Variants in PLEKHN1 observed in about 807,000 individuals in gnomAD.
PLEKHN1 encodes pleckstrin homology domain-containing family N member 1.
PLEKHN1 carries 68 observed loss-of-function variants against 72.8 expected under a neutral mutation model. That is an observed-to-expected ratio of 0.93 (90% CI 0.77 to 1.14). The LOEUF (loss-of-function observed/expected upper bound fraction) is 1.14. Among genes scored for constraint, PLEKHN1 ranks in the 50% most tolerant of loss-of-function variants. The probability of loss-of-function intolerance (pLI) is 0.00; values close to 1 mark genes in which losing one functional copy is unlikely to be tolerated. For synonymous variants in PLEKHN1, 454 were observed against 371.6 expected (o/e 1.22, Z -2.55); for missense variants, 1,015 against 840.5 (o/e 1.21, Z -2.57).
At position 970,560 on chromosome 1, in the gene PLEKHN1, C is replaced by G. The variant is rs199698680; in HGVS notation, c.370C>G (p.Leu124Val). The G allele has an allele frequency of 1.6e-4, 253 of 1,613,076 alleles. No homozygotes were observed. Among genetic ancestry groups the G allele is most frequent in the Non-Finnish European group, 2.0e-4 (237 of 1,179,966 alleles). Residue 124 changes from leucine to valine, a missense_variant, in exon 4 of 16, where the codon CTG becomes GTG. Transcript: ENST00000379410. The surrounding 1 kb of genome is among the most constrained non-coding windows in gnomAD (Gnocchi z 4.2). ...CTACCTGGAGCTATTCCCCGCCCAC[C>G]TGTACTTCCAGGCCCACGGCTCGGA... ...DCYLELFPAH[L>V]YFQAHGSEGL... is the part of the protein sequence containing the mutation.
At position 974,398 on chromosome 1, in the gene PLEKHN1, C is replaced by T. The variant is rs760765683; in HGVS notation, c.1702+34C>T. 8.7e-5 allele frequency: 140 copies of T among 1,612,834 alleles called. 1 individual carries two copies. The highest frequency in any genetic ancestry group is 5.0e-4 in the Admixed American group (30 of 60,012). Reference sequence around the variant, plus strand: ...GGATCCTGCCTCCTGAGGTGAGTGCCTGTTGCCTCCCACAGGCTGACACAT... The same window carrying T: ...GGATCCTGCCTCCTGAGGTGAGTGCTTGTTGCCTCCCACAGGCTGACACAT... On this transcript the variant is annotated intron_variant, in intron 15 of 15. Coordinates refer to ENST00000379410, the MANE Select transcript of PLEKHN1 (RefSeq NM_032129.3).
At chr1:968,495 C>T (rs796422397) in intron 2 of PLEKHN1, among the ~76,000 whole-genome samples, 2 of 152,320 alleles carry the variant, frequency 1.3e-5, no homozygotes, top group African/African-American at 4.8e-5. Context: ...CCTCTCAGCA[C>T]ATGCAGTGAT....
At chr1:971,303 A>ACCGC in intron 7 of PLEKHN1, 21 bp from the exon 8 acceptor site, 1 of 1,495,484 alleles carries the variant, frequency 6.7e-7, no homozygotes, top group Non-Finnish European at 9.1e-7. Flanking sequence ...TCATCGCCTG[A>ACCGC]CCCCACCCCC....
chr1:971,697 T>TGAGCACACGTGCGTGTGC (rs1643337258), intron 8 of PLEKHN1, among the ~76,000 whole-genome samples: 2 of 152,314 alleles, frequency 1.3e-5, no homozygotes, highest in South Asian at 4.1e-4. Context: ...GAGGCGTGTG[T>TGAGCACACGTGCGTGTGC]GTGCACACGT....
chr1:971,327 C>A lies in PLEKHN1; in HGVS notation c.712C>A (p.Gln238Lys). 1 of 1,573,444 alleles carries A rather than the reference C, an allele frequency of 6.4e-7. No individual in the cohort carries two copies. The highest frequency in any genetic ancestry group is 8.6e-7 in the Non-Finnish European group (1 of 1,158,872). ...GACCCCACCCCCACCCACCCAGGAGCAGTGGGACCGGCTCTTGGTCCTGTA... is the reference window on the plus strand; with the variant it reads ...GACCCCACCCCCACCCACCCAGGAGAAGTGGGACCGGCTCTTGGTCCTGTA... ...VKLQHLPAQE[Q>K]WDRLLVLYPT... Residue 238 changes from glutamine to lysine, a missense_variant, in exon 8 of 16, where the codon CAG becomes AAG. Coordinates refer to ENST00000379410, the MANE Select transcript of PLEKHN1 (RefSeq NM_032129.3).
intron 2 of PLEKHN1, among the ~76,000 whole-genome samples, chr1:968,987 CTCACA>C (rs1643143167): frequency 6.6e-6 from 1 of 152,186 alleles, no homozygotes; most frequent in Admixed American, 6.5e-5. Context: ...CAGAAATCTC[CTCACA>C]TATTTCAGGC....
chr1:975,199 AAAAAG>A lies in PLEKHN1; in HGVS notation c.*631_*635del, dbSNP rs1643553352. The A allele has an allele frequency of 1.3e-5, 2 of 152,530 alleles. No individual in the cohort carries two copies. The highest frequency in any genetic ancestry group is 2.1e-4 in the South Asian group (1 of 4,850). The allele number at this position is 152,530 out of a possible 1,614,324, so 9.4% of individuals were successfully genotyped here. A position where few individuals can be genotyped will look rare whatever the true frequency, so the allele number is the denominator to read the frequency against. The stretch of plus-strand genomic sequence containing the variant: ...AGAGAGAATAAGAAAAGGAAGAAAG[AAAAAG>A]AAAAGATAGAATTTTATTGGTGCTG... On this transcript the variant is annotated 3_prime_UTR_variant, in exon 16 of 16. Transcript: ENST00000379410.
chr1:974,571 T>G lies in PLEKHN1; in HGVS notation c.1832T>G (p.Ile611Ser). The G allele has an allele frequency of 1.2e-6, 2 of 1,610,860 alleles. No homozygotes were observed. The highest frequency in any genetic ancestry group is 1.1e-5 in the South Asian group (1 of 90,810). The change falls in exon 16 of 16, where the codon ATC becomes AGC. Residue 611 changes from isoleucine to serine, a missense_variant. By Grantham distance (142) the Ile-to-Ser change is moderately radical (BLOSUM62 -2). Transcript: ENST00000379410. ...PEASGGLVQW[I>S] The stretch of plus-strand genomic sequence containing the variant: ...GCCAGTGGGGGGCTTGTGCAGTGGA[T>G]CTGATGGCCGCGGTGAGGTGGGTTC...
At chr1:969,281 T>C (rs1388079565) in intron 2 of PLEKHN1, among the ~76,000 whole-genome samples, 1 of 152,264 alleles carries the variant, frequency 6.6e-6, no homozygotes, top group African/African-American at 2.4e-5. Context: ...TCTCACCATC[T>C]CTACCACTAG....
Position 974,677 on chromosome 1 carries a change from T to G in PLEKHN1, c.*102T>G, listed in dbSNP as rs1304175265. The G allele has an allele frequency of 7.1e-7, 1 of 1,410,688 alleles. No individual in the cohort carries two copies. Among genetic ancestry groups the G allele is most frequent in the Non-Finnish European group, 9.4e-7 (1 of 1,061,018 alleles). The allele number at this position is 1,410,688 out of a possible 1,614,324, so 87.4% of individuals were successfully genotyped here. A position where few individuals can be genotyped will look rare whatever the true frequency, so the allele number is the denominator to read the frequency against. ...TACAAGTCAGGGTCTGAACCCAGTG[T>G]GATGGGGGGAGTCTCTGGGGCCCTG... On this transcript the variant is annotated 3_prime_UTR_variant, in exon 16 of 16. Coordinates refer to ENST00000379410, the MANE Select transcript of PLEKHN1 (RefSeq NM_032129.3).
intron 2 of PLEKHN1, among the ~76,000 whole-genome samples, chr1:968,164 G>A (rs1430979220): frequency 6.6e-6 from 1 of 152,246 alleles, no homozygotes; most frequent in Admixed American, 6.5e-5. Context: ...CAGTTCCCAC[G>A]CTGGGTGTGG....
At position 974,309 on chromosome 1, in the gene PLEKHN1, G is replaced by A; in HGVS notation, c.1654-7G>A. The A allele has an allele frequency of 6.2e-7, 1 of 1,612,964 alleles. No homozygotes were observed. On this transcript the variant is annotated splice_region_variant and splice_polypyrimidine_tract_variant and intron_variant, in intron 14 of 15. Transcript: ENST00000379410. ...CCGGCTCTCAGACTTGCGGTTTGGG[G>A]TTCCAGGTCTCCTCTGCCAGGGAAG...
Position 971,107 on chromosome 1 carries a change from T to C in PLEKHN1, c.613-6T>C. On this transcript the variant is annotated splice_region_variant and splice_polypyrimidine_tract_variant and intron_variant, in intron 6 of 15. Coordinates refer to ENST00000379410, the MANE Select transcript of PLEKHN1 (RefSeq NM_032129.3). Reference sequence around the variant, plus strand: ...CTGCGGAGACGAACTCCCCTGGACTTTGCAGCGCCGTCTAACCCGGCTGCG... The same window carrying C: ...CTGCGGAGACGAACTCCCCTGGACTCTGCAGCGCCGTCTAACCCGGCTGCG... The C allele has an allele frequency of 6.3e-7, 1 of 1,593,100 alleles. No individual in the cohort carries two copies. Among genetic ancestry groups the C allele is most frequent in the Non-Finnish European group, 8.5e-7 (1 of 1,170,442 alleles).
In PLEKHN1 at chr1:971,303, ACCCCAC is replaced by A; in HGVS notation, c.709-12_709-7del. On this transcript the variant is annotated splice_polypyrimidine_tract_variant and intron_variant, in intron 7 of 15. Coordinates refer to ENST00000379410, the MANE Select transcript of PLEKHN1 (RefSeq NM_032129.3). ...AGCAGCTCAGTTCCCTCATCGCCTG[ACCCCAC>A]CCCCACCCACCCAGGAGCAGTGGGA... 6.7e-7 allele frequency: 1 copy of A among 1,494,980 alleles called. No homozygotes were observed. Among genetic ancestry groups the A allele is most frequent in the Non-Finnish European group, 9.1e-7 (1 of 1,093,590 alleles). The allele number at this position is 1,494,980 out of a possible 1,614,324, so 92.6% of individuals were successfully genotyped here.
rs373630012 is a variant in PLEKHN1 at position 973,608 on chromosome 1, C to A, written c.1402C>A (p.Arg468Ser). The part of the protein sequence containing the change: ...DPYTPPATSH[R>S]RVTDVRGLEE... Reference sequence around the variant, plus strand: ...CTACACACCACCCGCCACCTCCCACCGCAGGGTCACAGATGTCCGGGGCCT... The same window carrying A: ...CTACACACCACCCGCCACCTCCCACAGCAGGGTCACAGATGTCCGGGGCCT... Residue 468 changes from arginine to serine, a missense_variant, in exon 13 of 16, where the codon CGC becomes AGC. Transcript: ENST00000379410. 2.7e-5 allele frequency: 43 copies of A among 1,613,158 alleles called. No individual in the cohort carries two copies. The highest frequency in any genetic ancestry group is 2.0e-4 in the African/African-American group (15 of 75,058).
intron 8 of PLEKHN1, among the ~76,000 whole-genome samples, chr1:971,706 G>C (rs748964708): frequency 1.3e-5 from 2 of 152,206 alleles, no homozygotes; most frequent in African/African-American, 2.4e-5. Flanking sequence ...GTGTGCACAC[G>C]TGCGTGTGCG....
chr1:971,243 G>T, intron 7 of PLEKHN1, 35 bp downstream of exon 7: 9 of 1,559,976 alleles, frequency 5.8e-6, no homozygotes, highest in Non-Finnish European at 7.8e-6. Flanking sequence ...TAGGGGGATG[G>T]GAGGGGTGCA....
chr1:972,318 G>C lies in PLEKHN1; in HGVS notation c.896G>C (p.Cys299Ser). The C allele has an allele frequency of 6.2e-7, 1 of 1,612,622 alleles. No homozygotes were observed. The highest frequency in any genetic ancestry group is 8.5e-7 in the Non-Finnish European group (1 of 1,179,860). The change falls in exon 10 of 16, where the codon TGC becomes TCC. Residue 299 changes from cysteine to serine, a missense_variant. Physicochemically the swap from Cys to Ser is moderately radical, Grantham distance 112. Transcript: ENST00000379410. ...GPLINTIRVVCASYEDYGHWL... is the reference protein window; with the variant it reads ...GPLINTIRVVSASYEDYGHWL... Reference sequence around the variant, plus strand: ...CTCATCAACACCATCCGCGTGGTGTGCGCCAGCTACGAGGACTACGGTCAC... The same window carrying C: ...CTCATCAACACCATCCGCGTGGTGTCCGCCAGCTACGAGGACTACGGTCAC...
chr1:971,540 T>G, intron 8 of PLEKHN1, 136 bp downstream of exon 8: 2 of 812,484 alleles, frequency 2.5e-6, no homozygotes, highest in South Asian at 3.2e-5. Flanking sequence ...CAGCCCGCGG[T>G]CCTGGTCAGT....
Sources: gnomAD v4.1 joint callset for allele counts (sites outside exome capture counted in the v4.1 genomes callset) on GRCh38, gnomAD v4.1.1 for gene constraint, Gnocchi (gnomAD v3.1) non-coding constraint, MANE v1.5 for transcripts, NCBI Gene and HGNC (gene_info 2026-07-23, HGNC 2026-07-21) for gene names.